The following CCNY variants were observed in gnomAD, a reference collection of about 807,000 sequenced individuals.
The protein encoded by CCNY is cyclin-Y.
CCNY carries 19 observed loss-of-function variants against 42.8 expected under a neutral mutation model. That is an observed-to-expected ratio of 0.44 (90% confidence interval 0.31 to 0.65). The LOEUF (loss-of-function observed/expected upper bound fraction) is 0.65, where lower values mean the gene tolerates loss of function less well. CCNY is among the 30% of genes least tolerant of loss of function. The pLI is 0.07. For missense variants in CCNY, 370 were observed against 437.3 expected, an observed-to-expected ratio of 0.85 and a Z score of 1.37; for synonymous variants, 165 against 162.7, an observed-to-expected ratio of 1.01 and a Z score of -0.11.
chr10:35,481,305 G>C (rs1160452323), intron 1 of CCNY, among the ~76,000 whole-genome samples: 1 of 152,110 alleles, frequency 6.6e-6, no homozygotes, highest in African/African-American at 2.4e-5. Flanking sequence ...CAACTTTGAG[G>C]GCTTGTGAAC....
intron 3 of CCNY, among the ~76,000 whole-genome samples, chr10:35,257,884 G>T (rs2095716758): frequency 6.6e-6 from 1 of 152,066 alleles, no homozygotes; most frequent in South Asian, 2.1e-4. Flanking sequence ...TGGTCTACTT[G>T]GTGGTGTCCC....
intron 3 of CCNY, among the ~76,000 whole-genome samples, chr10:35,279,450 G>A (rs561532699): frequency 1.3e-5 from 2 of 152,242 alleles, no homozygotes; most frequent in South Asian, 4.1e-4. Flanking sequence ...CTTAAGCAAA[G>A]GGCTCGCTTG....
In CCNY at chr10:35,363,649, T is replaced by C. The variant is rs114628922; in HGVS notation, c.154+26442T>C. Among the ~76,000 whole-genome samples, 1,072 of 152,308 alleles carry C rather than the reference T, an allele frequency of 7.0e-3. 11 individuals carry two copies. Among genetic ancestry groups the C allele is most frequent in the African/African-American group, 0.025 (1,023 of 41,558 alleles). ...GGTTATTGGATTGGAAAGGGAGTTG[T>C]AGAAGCAAGTCTGGTGTTGTCACTC... On this transcript the variant is annotated intron_variant, in intron 1 of 9. Coordinates refer to ENST00000374704, the MANE Select transcript of CCNY (RefSeq NM_145012.6).
At chr10:35,301,950 T>TTTATTTA (rs1554774798) in intron 3 of CCNY, among the ~76,000 whole-genome samples, 11 of 81,428 alleles carry the variant, frequency 1.4e-4, no homozygotes, top group East Asian at 4.4e-4. Context: ...TTATTTTTTA[T>TTTATTTA]TTTATTTATT....
In CCNY at chr10:35,336,922, C is replaced by T; in HGVS notation, c.-132C>T. The T allele has an allele frequency of 1.9e-6, 1 of 534,456 alleles. No homozygotes were observed. The highest frequency in any genetic ancestry group is 2.4e-6 in the Non-Finnish European group (1 of 409,528). 33.1% of individuals were successfully genotyped at this position (534,456 alleles called of 1,614,324 possible). A position where few individuals can be genotyped will look rare whatever the true frequency, so the allele number is the denominator to read the frequency against. Reference sequence around the variant, plus strand: ...CTGACCCGGCGGCCGGCCGCCGTTCCGCCCCCTCCCGTGGCGGCGAGCGGG... The same window carrying T: ...CTGACCCGGCGGCCGGCCGCCGTTCTGCCCCCTCCCGTGGCGGCGAGCGGG... On this transcript the variant is annotated 5_prime_UTR_variant, in exon 1 of 10. Transcript: ENST00000374704.
intron 3 of CCNY, among the ~76,000 whole-genome samples, chr10:35,319,927 G>A (rs934917702): frequency 6.6e-6 from 1 of 151,958 alleles, no homozygotes; most frequent in Non-Finnish European, 1.5e-5. Flanking sequence ...TCCAGCCCGG[G>A]AGACACTGTG....
chr10:35,328,479 G>GCCAA (rs2135102133), intron 3 of CCNY, among the ~76,000 whole-genome samples: 1 of 152,228 alleles, frequency 6.6e-6, no homozygotes, highest in Admixed American at 6.5e-5. Context: ...CATATACTTT[G>GCCAA]CCAAGGTAAA....
intron 3 of CCNY, among the ~76,000 whole-genome samples, chr10:35,258,712 C>A (rs888167796): frequency 6.6e-6 from 1 of 151,876 alleles, no homozygotes; most frequent in Non-Finnish European, 1.5e-5. Context: ...CCGAGGTGGG[C>A]GGATCATGAG....
chr10:35,268,358 G>A (rs1383194188), intron 3 of CCNY, among the ~76,000 whole-genome samples: 3 of 152,122 alleles, frequency 2.0e-5, no homozygotes, highest in East Asian at 1.9e-4. Flanking sequence ...TACCAACAAC[G>A]ACAAACAACA....
chr10:35,544,783 C>T (rs1369939965), intron 7 of CCNY, among the ~76,000 whole-genome samples: 1 of 152,232 alleles, frequency 6.6e-6, no homozygotes, highest in Non-Finnish European at 1.5e-5. Flanking sequence ...CTGAAATGGA[C>T]ACTCTTCAAA....
At chr10:35,476,358 A>G (rs1255556170) in intron 1 of CCNY, among the ~76,000 whole-genome samples, 1 of 152,120 alleles carries the variant, frequency 6.6e-6, no homozygotes, top group Non-Finnish European at 1.5e-5. Flanking sequence ...CACCACACCT[A>G]TTCCAAAATT....
At chr10:35,265,640 C>T (rs141618949) in intron 3 of CCNY, among the ~76,000 whole-genome samples, 2 of 152,316 alleles carry the variant, frequency 1.3e-5, no homozygotes, top group Admixed American at 6.5e-5. Context: ...CGCTCCCGGC[C>T]GGCTTTGAAT....
At chr10:35,549,553 G>A (rs112988319) in intron 7 of CCNY, among the ~76,000 whole-genome samples, 4 of 143,800 alleles carry the variant, frequency 2.8e-5, no homozygotes, top group East Asian at 4.2e-4. Context: ...TACAGTGCTC[G>A]TGACCCTGCG....
At chr10:35,446,324 T>G (rs1838789281) in intron 1 of CCNY, among the ~76,000 whole-genome samples, 6 of 152,228 alleles carry the variant, frequency 3.9e-5, no homozygotes, top group Admixed American at 3.9e-4. Context: ...TTCAAAATAC[T>G]TACATGTCAA....
chr10:35,514,095 A>C (rs1327249967), intron 3 of CCNY, among the ~76,000 whole-genome samples: 1 of 151,326 alleles, frequency 6.6e-6, no homozygotes, highest in Non-Finnish European at 1.5e-5. Flanking sequence ...AAAAAAAAAA[A>C]AACAGAGACA....
chr10:35,427,948 C>A (rs1189868793), intron 1 of CCNY, among the ~76,000 whole-genome samples: 1 of 152,138 alleles, frequency 6.6e-6, no homozygotes, highest in African/African-American at 2.4e-5. Flanking sequence ...CATCCAACTC[C>A]TCCCCTTCCT....
At chr10:35,564,582 T>C (rs1841530331) in intron 8 of CCNY, among the ~76,000 whole-genome samples, 2 of 152,086 alleles carry the variant, frequency 1.3e-5, no homozygotes, top group Admixed American at 6.6e-5. Context: ...ACCCAGACCC[T>C]CAGCGTTCAG....
At chr10:35,454,582 G>A (rs1441046171) in intron 1 of CCNY, among the ~76,000 whole-genome samples, 1 of 152,250 alleles carries the variant, frequency 6.6e-6, no homozygotes, top group African/African-American at 2.4e-5. Flanking sequence ...TCAGTTAAAA[G>A]TGTCAGTCCG....
chr10:35,451,995 CT>C (rs932263433), intron 1 of CCNY, among the ~76,000 whole-genome samples: 12 of 151,590 alleles, frequency 7.9e-5, no homozygotes, highest in Admixed American at 2.0e-4. Context: ...TAATATGACA[CT>C]TTTTTTTTAT....
Sources: gnomAD v4.1 joint callset for allele counts (sites outside exome capture counted in the v4.1 genomes callset) on GRCh38, gnomAD v4.1.1 for gene constraint, MANE v1.5 for transcripts, NCBI Gene and HGNC (gene_info 2026-07-23, HGNC 2026-07-21) for gene names.